The following USH2A variants were observed in gnomAD, a reference collection of about 807,000 sequenced individuals.
The protein encoded by USH2A is Usher syndrome 2A (autosomal recessive, mild).
In USH2A, 443 loss-of-function variants were observed where a neutral mutation model predicts 538.9. The observed-to-expected ratio is 0.82, with a 90% CI of 0.76 to 0.89. USH2A has a LOEUF of 0.89. Among genes scored for constraint, USH2A ranks in the 40% least tolerant of loss-of-function variants. USH2A has a pLI of 0.00. For synonymous variants in USH2A, 2,413 were observed against 2,273.5 expected (o/e 1.06, Z -1.75); for missense variants, 6,633 against 6,324.8 (o/e 1.05, Z -1.65).
chr1:215,916,749 C>G (rs1157509745), intron 38 of USH2A, among the ~76,000 whole-genome samples: 3 of 151,992 alleles, frequency 2.0e-5, no homozygotes, highest in Non-Finnish European at 4.4e-5. Context: ...GGGTCAAGGG[C>G]ACCAGAATAA....
chr1:216,293,021 C>CTT (rs1198460233), intron 9 of USH2A, among the ~76,000 whole-genome samples: 232 of 126,248 alleles, frequency 1.8e-3, no homozygotes, highest in East Asian at 3.1e-3. Context: ...ACACAAGCAT[C>CTT]TTTTTTTTTT....
intron 47 of USH2A, among the ~76,000 whole-genome samples, chr1:215,823,803 T>C (rs1251271282): frequency 6.6e-6 from 1 of 152,014 alleles, no homozygotes; most frequent in Non-Finnish European, 1.5e-5. Context: ...TCCTCTGATC[T>C]AGTTTGCTAT....
rs548920584 is a variant in USH2A, at chr1:215,806,348, C to T, written c.9740-7223G>A. Reference sequence around the variant, plus strand: ...ATGAGATACCAGCATTAAATGTGCACCTGAAAGTCTCTTTCTGTAACTCCC... The same window carrying T: ...ATGAGATACCAGCATTAAATGTGCATCTGAAAGTCTCTTTCTGTAACTCCC... On this transcript the variant is annotated intron_variant, in intron 49 of 71. Transcript: ENST00000307340. 2.6e-5 allele frequency among the ~76,000 whole-genome samples: 4 copies of T among 152,174 alleles called. No individual in the cohort carries two copies. The East Asian group carries it at 7.7e-4, about 29-fold the overall frequency.
At chr1:215,933,238 C>T (rs1368306479) in intron 38 of USH2A, among the ~76,000 whole-genome samples, 1 of 151,910 alleles carries the variant, frequency 6.6e-6, no homozygotes, top group Non-Finnish European at 1.5e-5. Context: ...TTAGAGCCAT[C>T]ACAGTTTTCT....
At chr1:216,238,997 C>CA (rs2102533274) in intron 13 of USH2A, among the ~76,000 whole-genome samples, 1 of 151,984 alleles carries the variant, frequency 6.6e-6, no homozygotes, top group South Asian at 2.1e-4. Context: ...TTTTACTGTG[C>CA]ACATTGCAGG....
chr1:215,673,340 T>A (rs151298403), intron 63 of USH2A, among the ~76,000 whole-genome samples: 1 of 152,338 alleles, frequency 6.6e-6, no homozygotes, highest in Admixed American at 6.5e-5. Flanking sequence ...TTTCAGCCTT[T>A]AATTTTTTTA....
chr1:216,184,438 A>G (rs1558303808), intron 20 of USH2A, among the ~76,000 whole-genome samples: 1 of 152,004 alleles, frequency 6.6e-6, no homozygotes, highest in Non-Finnish European at 1.5e-5. Flanking sequence ...GACAGCAACA[A>G]AAGTGTTTGG....
rs1266507185 is a variant in USH2A at position 216,364,946 on chromosome 1, A to C, written c.784+7T>G. 1 of 1,613,280 alleles carries C rather than the reference A, an allele frequency of 6.2e-7. No homozygotes were observed. Among genetic ancestry groups the C allele is most frequent in the Non-Finnish European group, 8.5e-7 (1 of 1,179,548 alleles). On this transcript the variant is annotated splice_region_variant and intron_variant, in intron 4 of 71. Transcript: ENST00000307340. Reference sequence around the variant, plus strand: ...AAATAAATAACATTCTGAAGTCAGAAACTTACCATTTAAACTCTGTCCTAT... The same window carrying C: ...AAATAAATAACATTCTGAAGTCAGACACTTACCATTTAAACTCTGTCCTAT...
At chr1:215,756,497 T>A (rs1181918685) in intron 58 of USH2A, among the ~76,000 whole-genome samples, 1 of 152,218 alleles carries the variant, frequency 6.6e-6, no homozygotes, top group Non-Finnish European at 1.5e-5. Context: ...ATTTGGATTG[T>A]AGAAGACCCT....
chr1:216,158,634 T>C (rs569414991), intron 21 of USH2A, among the ~76,000 whole-genome samples: 153 of 152,330 alleles, frequency 1.0e-3, no homozygotes, highest in African/African-American at 3.6e-3. Flanking sequence ...TGCAGTCTTA[T>C]AGTTAGTCTT....
At chr1:216,043,277 A>G (rs1306809653) in intron 32 of USH2A, among the ~76,000 whole-genome samples, 1 of 152,222 alleles carries the variant, frequency 6.6e-6, no homozygotes, top group East Asian at 1.9e-4. Flanking sequence ...TAGAATAATC[A>G]TGTGCATCTT....
chr1:216,336,469 G>T (rs2037977276), intron 4 of USH2A, among the ~76,000 whole-genome samples: 1 of 151,166 alleles, frequency 6.6e-6, no homozygotes, highest in South Asian at 2.1e-4. Flanking sequence ...ACTATCTCTT[G>T]TACATAGAAA....
intron 38 of USH2A, among the ~76,000 whole-genome samples, chr1:215,908,631 C>A (rs911411569): frequency 2.6e-5 from 4 of 151,728 alleles, no homozygotes; most frequent in Non-Finnish European, 5.9e-5. Flanking sequence ...TTAAGAAAAA[C>A]ATTAAGATGA....
intron 63 of USH2A, among the ~76,000 whole-genome samples, chr1:215,672,557 C>T (rs917555479): frequency 6.6e-6 from 1 of 152,158 alleles, no homozygotes; most frequent in African/African-American, 2.4e-5. Flanking sequence ...TGATTTCCCA[C>T]ATAAAGATTA....
intron 51 of USH2A, 64 bp from the exon 52 acceptor site, chr1:215,786,938 G>C: frequency 2.0e-6 from 3 of 1,505,140 alleles, no homozygotes; most frequent in Non-Finnish European, 1.8e-6. Context: ...GACATACATA[G>C]GGTAGGCTTT....
chr1:215,892,394 G>A (rs1665232765), intron 40 of USH2A, among the ~76,000 whole-genome samples: 1 of 152,100 alleles, frequency 6.6e-6, no homozygotes, highest in African/African-American at 2.4e-5. Flanking sequence ...CCATAAATGA[G>A]TATCCCCTAA....
At chr1:215,873,377 C>A (rs775910244) in intron 43 of USH2A, among the ~76,000 whole-genome samples, 5 of 152,110 alleles carry the variant, frequency 3.3e-5, no homozygotes, top group Non-Finnish European at 7.4e-5. Flanking sequence ...ACAAAGTTAA[C>A]TTCTTCACTT....
intron 21 of USH2A, among the ~76,000 whole-genome samples, chr1:216,134,124 T>G (rs190590064): frequency 3.4e-4 from 52 of 152,268 alleles, no homozygotes; most frequent in Non-Finnish European, 5.6e-4. Context: ...CTGTGTTTTG[T>G]AAAAACAACT....
intron 47 of USH2A, among the ~76,000 whole-genome samples, chr1:215,827,081 AATAGGCAAGTGGGTATGT>A (rs1663178499): frequency 6.6e-6 from 1 of 152,172 alleles, no homozygotes; most frequent in Admixed American, 6.5e-5. Context: ...ACATAAAATC[AATAGGCAAGTGGGTATGT>A]GGGATTAGAG....
Sources: allele counts gnomAD v4.1 joint callset (sites outside exome capture counted in the v4.1 genomes callset), GRCh38; gene constraint gnomAD v4.1.1; transcripts MANE v1.5; gene names NCBI Gene and HGNC (gene_info 2026-07-23, HGNC 2026-07-21).